The following ITGAM variants were observed in gnomAD, a reference collection of about 807,000 sequenced individuals.
ITGAM encodes integrin subunit alpha M.
In ITGAM, 79 loss-of-function variants were observed where a neutral mutation model predicts 137.5. The ratio of observed to expected loss-of-function variants is 0.57; its 90% CI spans 0.48 to 0.69. The LOEUF (loss-of-function observed/expected upper bound fraction) is 0.69, where lower values mean the gene tolerates loss of function less well. Among genes scored for constraint, ITGAM ranks in the 30% least tolerant of loss-of-function variants. The probability of loss-of-function intolerance (pLI) is 0.00; values close to 1 mark genes in which losing one functional copy is unlikely to be tolerated. For missense variants in ITGAM, 1,343 were observed against 1,483.5 expected (o/e 0.91, Z 1.56); for synonymous variants, 583 against 592.3 (o/e 0.98, Z 0.23).
intron 14 of ITGAM, among the ~76,000 whole-genome samples, chr16:31,306,183 C>T (rs1265611864): frequency 6.6e-6 from 1 of 151,948 alleles, no homozygotes; most frequent in Non-Finnish European, 1.5e-5. Flanking sequence ...TCCAAGGTAC[C>T]GAAAAGCATT....
At chr16:31,311,834 A>G (rs1009649801) in intron 14 of ITGAM, among the ~76,000 whole-genome samples, 4 of 152,176 alleles carry the variant, frequency 2.6e-5, no homozygotes, top group African/African-American at 9.7e-5. Context: ...GCACATGCAT[A>G]CAAGTGTTTA....
At position 31,290,928 on chromosome 16, in the gene ITGAM, A is replaced by G. The variant is rs375677949; in HGVS notation, c.1357-6586A>G. Among the ~76,000 whole-genome samples the G allele has an allele frequency of 2.6e-5, 4 of 152,296 alleles. No homozygotes were observed. In the East Asian group the frequency reaches 7.7e-4, roughly 29 times the overall value. ...AAAATTAGTTTTATTTCTATAATAT[A>G]ATTGAACAATTGGAAATTTAAATTA... On this transcript the variant is annotated intron_variant, in intron 12 of 29. Coordinates refer to ENST00000544665, the MANE Select transcript of ITGAM (RefSeq NM_000632.4).
chr16:31,260,874 AC>A (rs1376210112), intron 1 of ITGAM, among the ~76,000 whole-genome samples: 1 of 152,164 alleles, frequency 6.6e-6, no homozygotes, highest in African/African-American at 2.4e-5. Flanking sequence ...AGGGAGCACC[AC>A]CCCCAAAGAA....
chr16:31,312,846 C>T (rs1044790098), intron 14 of ITGAM, among the ~76,000 whole-genome samples: 2 of 151,336 alleles, frequency 1.3e-5, no homozygotes, highest in Non-Finnish European at 2.9e-5. Context: ...TAGGCTGGTC[C>T]GTCCTCCTGT....
At position 31,330,179 on chromosome 16, in the gene ITGAM, C is replaced by G; in HGVS notation, c.3060+15C>G. 6.2e-7 allele frequency: 1 copy of G among 1,611,366 alleles called. No individual in the cohort carries two copies. Among genetic ancestry groups the G allele is most frequent in the South Asian group, 1.1e-5 (1 of 90,754 alleles). ...CCCCCGTGGTGGTGAGAAGCTAAGT[C>G]AGCCCCAGGGCCACACAGAGACCCA... On this transcript the variant is annotated intron_variant, in intron 26 of 29. Coordinates refer to ENST00000544665, the MANE Select transcript of ITGAM (RefSeq NM_000632.4).
intron 12 of ITGAM, among the ~76,000 whole-genome samples, chr16:31,284,265 G>A (rs1198135894): frequency 1.3e-5 from 2 of 152,242 alleles, no homozygotes; most frequent in African/African-American, 4.8e-5. Context: ...GTCAGACAGG[G>A]ACATTTAAGT....
In ITGAM at chr16:31,330,056, C is replaced by T. The variant is rs1274798647; in HGVS notation, c.2977-25C>T. 3.1e-6 allele frequency: 5 copies of T among 1,609,462 alleles called. No homozygotes were observed. The Admixed American group carries it at 6.7e-5, about 22-fold the overall frequency. ...GGCCCTGGCGCCTTCATCTCTGCCC[C>T]TTCTCAGTGCGTCTCTTTCCTCAGA... On this transcript the variant is annotated intron_variant, in intron 25 of 29. Transcript: ENST00000544665.
Position 31,331,808 on chromosome 16 carries a change from C to T in ITGAM, c.*101C>T. The T allele has an allele frequency of 1.1e-6, 1 of 886,184 alleles. No homozygotes were observed. Among genetic ancestry groups the T allele is most frequent in the East Asian group, 2.7e-5 (1 of 37,508 alleles). 54.9% of individuals were successfully genotyped at this position (886,184 alleles called of 1,614,324 possible). ...TGGACACGTCGGACAGCGAAGTATC[C>T]CCGACAGGACGGGCTTGGGCTTCCA... is the stretch of plus-strand genomic sequence containing the variant. On this transcript the variant is annotated 3_prime_UTR_variant, in exon 30 of 30. Coordinates refer to ENST00000544665, the MANE Select transcript of ITGAM (RefSeq NM_000632.4).
intron 19 of ITGAM, 31 bp from the exon 20 acceptor site, chr16:31,325,232 C>T (rs372692935): frequency 2.5e-6 from 4 of 1,591,564 alleles, no homozygotes; most frequent in Non-Finnish European, 3.4e-6. Flanking sequence ...CCCAGCGCCC[C>T]ATCCCCCGGC....
At chr16:31,284,655 C>T (rs1345077446) in intron 12 of ITGAM, among the ~76,000 whole-genome samples, 1 of 152,140 alleles carries the variant, frequency 6.6e-6, no homozygotes, top group African/African-American at 2.4e-5. Flanking sequence ...AAGGGAATTC[C>T]CCAACCCCTT....
chr16:31,325,200 G>T (rs776437010), intron 19 of ITGAM, 63 bp from the exon 20 acceptor site: 20 of 1,559,176 alleles, frequency 1.3e-5, no homozygotes, highest in Non-Finnish European at 1.7e-5. Context: ...TGTTCTGCTG[G>T]AGCAGGCTTG....
rs758117736 is a variant in ITGAM, at chr16:31,321,259, C to A, written c.1726C>A (p.Leu576Ile). The change falls in exon 15 of 30, where the codon CTC (leucine) becomes ATC (isoleucine). Residue 576 changes from leucine to isoleucine, a missense_variant. By Grantham distance (5) the Leu-to-Ile change is conservative. Coordinates refer to ENST00000544665, the MANE Select transcript of ITGAM (RefSeq NM_000632.4). ...SHSQRIAGSK[L>I]SPRLQYFGQS... is the part of the protein sequence containing the mutation. ...CCCTCAGCGGATAGCAGGCTCCAAG[C>A]TCTCTCCCAGGCTCCAGTATTTTGG... 2 of 1,613,848 alleles carry A rather than the reference C, an allele frequency of 1.2e-6. No homozygotes were observed. Among genetic ancestry groups the A allele is most frequent in the Non-Finnish European group, 8.5e-7 (1 of 1,179,878 alleles).
chr16:31,276,657 TCTC>T lies in ITGAM; in HGVS notation c.1010-10_1010-8del. 12 of 1,601,166 alleles carry T rather than the reference TCTC, an allele frequency of 7.5e-6. No individual in the cohort carries two copies. The Middle Eastern group carries it at 5.0e-4, about 66-fold the overall frequency. On this transcript the variant is annotated splice_polypyrimidine_tract_variant and intron_variant, in intron 9 of 29. Coordinates refer to ENST00000544665, the MANE Select transcript of ITGAM (RefSeq NM_000632.4). ...TTCTGCTTTCTTTAATATAGAAACT[TCTC>T]CTCTTTACAGGTACTCAGACAGGAA...
chr16:31,326,840 CT>C lies in ITGAM; in HGVS notation c.2629-13del. 1.3e-6 allele frequency: 2 copies of C among 1,577,694 alleles called. No homozygotes were observed. Among genetic ancestry groups the C allele is most frequent in the Non-Finnish European group, 1.7e-6 (2 of 1,147,346 alleles). On this transcript the variant is annotated splice_polypyrimidine_tract_variant and intron_variant, in intron 21 of 29. Transcript: ENST00000544665. ...TCTCATATTTCTGTCATTGTCTCTC[CT>C]TTCTCTCACTCCAGGTCACCTTTAA...
intron 28 of ITGAM, 86 bp downstream of exon 28, chr16:31,330,691 G>C (rs1484140599): frequency 2.3e-6 from 2 of 873,358 alleles, no homozygotes; most frequent in Non-Finnish European, 3.5e-6. Flanking sequence ...GAGACACAAA[G>C]AGAGAGGGAG....
intron 19 of ITGAM, 38 bp downstream of exon 19, chr16:31,325,069 A>AC: frequency 6.5e-7 from 1 of 1,542,740 alleles, no homozygotes; most frequent in Non-Finnish European, 8.7e-7. Context: ...CCAGAGAAGG[A>AC]CCCGTACCAT....
intron 7 of ITGAM, 49 bp from the exon 8 acceptor site, chr16:31,273,316 G>T (rs1265736823): frequency 2.0e-6 from 3 of 1,466,512 alleles, no homozygotes; most frequent in Non-Finnish European, 2.8e-6. Context: ...AAAAAAACTA[G>T]TGTGTCATCT....
chr16:31,318,918 T>G (rs2080419960), intron 14 of ITGAM, among the ~76,000 whole-genome samples: 1 of 152,190 alleles, frequency 6.6e-6, no homozygotes, highest in Admixed American at 6.5e-5. Context: ...TGTGTTTTTG[T>G]TTTCATTTAT....
chr16:31,297,385 AC>A, intron 12 of ITGAM, 128 bp from the exon 13 acceptor site: 1 of 1,197,062 alleles, frequency 8.4e-7, no homozygotes, highest in Non-Finnish European at 1.2e-6. Flanking sequence ...TTTATCATGA[AC>A]CATATAGAAG....
Sources: gnomAD v4.1 joint callset for allele counts (sites outside exome capture counted in the v4.1 genomes callset) on GRCh38, gnomAD v4.1.1 for gene constraint, MANE v1.5 for transcripts, NCBI Gene and HGNC (gene_info 2026-07-23, HGNC 2026-07-21) for gene names.